The following PLCB1 variants were observed in gnomAD, a reference collection of about 807,000 sequenced individuals.
PLCB1 encodes the protein phospholipase C beta 1.
In PLCB1, 46 loss-of-function variants were observed where a neutral mutation model predicts 161.8. The observed-to-expected ratio is 0.28, with a 90% confidence interval of 0.22 to 0.36. PLCB1 has a LOEUF of 0.36. Ranked by LOEUF, PLCB1 falls within the 10% of genes least tolerant of loss-of-function variation. The pLI is 1.00. For synonymous variants in PLCB1, 517 were observed against 503.7 expected (o/e 1.03, Z -0.35); for missense variants, 1,016 against 1,472.5 (o/e 0.69, Z 5.07).
intron 3 of PLCB1, among the ~76,000 whole-genome samples, chr20:8,417,663 A>G (rs1466546379): frequency 1.3e-5 from 2 of 152,210 alleles, no homozygotes; most frequent in Non-Finnish European, 2.9e-5. Flanking sequence ...GAAATGATAT[A>G]CAATCTAATT....
intron 3 of PLCB1, among the ~76,000 whole-genome samples, chr20:8,489,682 G>A (rs974426152): frequency 1.3e-5 from 2 of 152,186 alleles, no homozygotes; most frequent in African/African-American, 4.8e-5. Context: ...GGCAGGCCCT[G>A]GTGGCCTAAG....
At chr20:8,379,464 C>T (rs142286711) in intron 3 of PLCB1, among the ~76,000 whole-genome samples, 1,957 of 152,218 alleles carry the variant, frequency 0.013, 17 homozygotes, top group South Asian at 0.021. Context: ...TGGCTGTATA[C>T]CCAGTAATGG....
At chr20:8,679,563 T>A (rs1183632593) in intron 9 of PLCB1, among the ~76,000 whole-genome samples, 1 of 152,212 alleles carries the variant, frequency 6.6e-6, no homozygotes, top group Admixed American at 6.5e-5. Flanking sequence ...TTTTAAAGCA[T>A]CCCTGGAAGG....
intron 12 of PLCB1, among the ~76,000 whole-genome samples, chr20:8,710,943 A>C (rs1378724142): frequency 1.3e-5 from 2 of 152,216 alleles, no homozygotes; most frequent in Non-Finnish European, 2.9e-5. Flanking sequence ...CATAATAGCT[A>C]ACCTTTATTA....
At chr20:8,558,256 C>A (rs1161159869) in intron 3 of PLCB1, among the ~76,000 whole-genome samples, 3 of 151,688 alleles carry the variant, frequency 2.0e-5, no homozygotes, top group Admixed American at 6.6e-5. Flanking sequence ...CATTGCATGC[C>A]TGTATCAAAA....
intron 3 of PLCB1, among the ~76,000 whole-genome samples, chr20:8,585,420 C>A (rs1417495474): frequency 6.6e-6 from 1 of 152,158 alleles, no homozygotes; most frequent in Admixed American, 6.5e-5. Context: ...TCTTGAATAG[C>A]TTCTAGAAGA....
chr20:8,847,819 C>T (rs1352873116), intron 31 of PLCB1, among the ~76,000 whole-genome samples: 2 of 152,182 alleles, frequency 1.3e-5, no homozygotes, highest in Non-Finnish European at 2.9e-5. Flanking sequence ...AGATCAACAG[C>T]CAGATGAAGA....
rs576464375 is a variant in PLCB1 at position 8,214,423 on chromosome 20, C to T, written c.177+64052C>T. Reference sequence around the variant, plus strand: ...CTCTTTTGCTCCTGCTCCCACCATGCGAGACCCCTCCTCCCCCTTTGCCTT... The same window carrying T: ...CTCTTTTGCTCCTGCTCCCACCATGTGAGACCCCTCCTCCCCCTTTGCCTT... On this transcript the variant is annotated intron_variant, in intron 2 of 31. Transcript: ENST00000338037. 1.3e-4 allele frequency among the ~76,000 whole-genome samples: 20 copies of T among 152,208 alleles called. 1 individual carries two copies. Among genetic ancestry groups the T allele is most frequent in the African/African-American group, 3.6e-4 (15 of 41,552 alleles).
chr20:8,189,713 G>A (rs562332532), intron 2 of PLCB1, among the ~76,000 whole-genome samples: 8 of 152,056 alleles, frequency 5.3e-5, no homozygotes, highest in African/African-American at 1.9e-4. Context: ...TTAATTTTCA[G>A]TCACCCAAAT....
At chr20:8,657,498 G>A (rs1207765903) in intron 8 of PLCB1, among the ~76,000 whole-genome samples, 1 of 152,056 alleles carries the variant, frequency 6.6e-6, no homozygotes, top group African/African-American at 2.4e-5. Flanking sequence ...GTGATATATT[G>A]CTGGAGGTAG....
intron 3 of PLCB1, among the ~76,000 whole-genome samples, chr20:8,605,550 T>C (rs1345002901): frequency 1.3e-5 from 2 of 151,914 alleles, no homozygotes; most frequent in Non-Finnish European, 2.9e-5. Context: ...AAATTGTTCT[T>C]CCAGTTTATT....
intron 3 of PLCB1, among the ~76,000 whole-genome samples, chr20:8,404,598 G>T (rs1228404127): frequency 6.6e-6 from 1 of 152,184 alleles, no homozygotes; most frequent in Non-Finnish European, 1.5e-5. Flanking sequence ...TGCAACTGAA[G>T]TATGGGATTG....
chr20:8,442,292 G>C (rs899437445), intron 3 of PLCB1, among the ~76,000 whole-genome samples: 1 of 152,162 alleles, frequency 6.6e-6, no homozygotes, highest in African/African-American at 2.4e-5. Context: ...AGATGTTCAA[G>C]GGGCCGGCAG....
intron 2 of PLCB1, among the ~76,000 whole-genome samples, chr20:8,247,955 C>T (rs1396541171): frequency 2.6e-5 from 4 of 151,932 alleles, no homozygotes; most frequent in Non-Finnish European, 4.4e-5. Flanking sequence ...AATTATCCTT[C>T]TTCTTCTTTC....
At chr20:8,752,805 A>C (rs546327876) in intron 23 of PLCB1, among the ~76,000 whole-genome samples, 1 of 152,138 alleles carries the variant, frequency 6.6e-6, no homozygotes, top group East Asian at 1.9e-4. Flanking sequence ...AAAAAAAAAA[A>C]AAAGTGTCTA....
chr20:8,727,171 A>T, intron 16 of PLCB1, 138 bp from the exon 17 acceptor site: 3 of 546,440 alleles, frequency 5.5e-6, no homozygotes, highest in Non-Finnish European at 9.7e-6. Context: ...AAAAAAATTA[A>T]ATATTGAAAT....
intron 3 of PLCB1, among the ~76,000 whole-genome samples, chr20:8,421,785 G>T (rs1044709958): frequency 6.6e-6 from 1 of 152,104 alleles, no homozygotes; most frequent in South Asian, 2.1e-4. Context: ...ATCACCAAGG[G>T]CTTATTAGAA....
At chr20:8,784,206 A>C (rs1204965464) in intron 27 of PLCB1, among the ~76,000 whole-genome samples, 1 of 152,208 alleles carries the variant, frequency 6.6e-6, no homozygotes, top group African/African-American at 2.4e-5. Flanking sequence ...TCAGTAGACA[A>C]AATTTAAATA....
intron 23 of PLCB1, among the ~76,000 whole-genome samples, chr20:8,756,104 T>A (rs555752792): frequency 3.9e-5 from 6 of 152,152 alleles, no homozygotes; most frequent in Non-Finnish European, 7.4e-5. Flanking sequence ...TTTGTGGGTG[T>A]TGTTGTTGTT....
Sources: allele counts gnomAD v4.1 joint callset (sites outside exome capture counted in the v4.1 genomes callset), GRCh38; gene constraint gnomAD v4.1.1; transcripts MANE v1.5; gene names NCBI Gene and HGNC (gene_info 2026-07-23, HGNC 2026-07-21).